The following RORA variants were observed in gnomAD, a reference collection of about 807,000 sequenced individuals.
RORA encodes RAR related orphan receptor A.
In RORA, 7 loss-of-function variants were observed where a neutral mutation model predicts 69.5. The ratio of observed to expected loss-of-function variants is 0.10; its 90% CI spans 0.06 to 0.19. The LOEUF (loss-of-function observed/expected upper bound fraction) is 0.19, where lower values mean the gene tolerates loss of function less well. Among genes scored for constraint, RORA ranks in the 10% least tolerant of loss-of-function variants. The probability of loss-of-function intolerance (pLI) is 1.00; values close to 1 mark genes in which losing one functional copy is unlikely to be tolerated. For missense variants in RORA, 457 were observed against 663.0 expected (o/e 0.69, Z 3.41); for synonymous variants, 261 against 240.8 (o/e 1.08, Z -0.78).
chr15:60,618,070 C>A (rs2069303987), intron 2 of RORA, among the ~76,000 whole-genome samples: 1 of 152,192 alleles, frequency 6.6e-6, no homozygotes, highest in Non-Finnish European at 1.5e-5. Flanking sequence ...TACTACAGGC[C>A]ACAGATAAGG....
chr15:60,887,117 C>A (rs1221154181), intron 1 of RORA, among the ~76,000 whole-genome samples: 1 of 149,172 alleles, frequency 6.7e-6, no homozygotes, highest in Non-Finnish European at 1.5e-5. Flanking sequence ...TCTTTGTCAG[C>A]AAGATACTTC....
At chr15:61,200,181 A>G (rs975478378) in intron 1 of RORA, among the ~76,000 whole-genome samples, 1 of 152,194 alleles carries the variant, frequency 6.6e-6, no homozygotes, top group African/African-American at 2.4e-5. Context: ...CCTTGACAGG[A>G]GAGTCGGGAA....
chr15:60,578,953 T>C (rs1253869505), intron 2 of RORA, among the ~76,000 whole-genome samples: 1 of 151,898 alleles, frequency 6.6e-6, no homozygotes. Context: ...TCAGTAGGGA[T>C]GGGGTTTCAC....
intron 1 of RORA, among the ~76,000 whole-genome samples, chr15:60,707,653 G>A (rs181983841): frequency 5.3e-5 from 8 of 152,196 alleles, no homozygotes; most frequent in South Asian, 4.2e-4. Flanking sequence ...GTGAGCCACC[G>A]CACCTGGCCC....
intron 1 of RORA, among the ~76,000 whole-genome samples, chr15:60,772,133 G>C (rs996844726): frequency 3.9e-5 from 6 of 152,054 alleles, no homozygotes; most frequent in Admixed American, 2.6e-4. Context: ...AGGTATACAT[G>C]TGCCATGTTG....
In RORA at chr15:61,069,914, C is replaced by T. The variant is rs557643297; in HGVS notation, c.166+159139G>A. 1.2e-4 allele frequency among the ~76,000 whole-genome samples: 19 copies of T among 152,278 alleles called. No individual in the cohort carries two copies. In the East Asian group the frequency reaches 3.5e-3, roughly 28 times the overall value. The stretch of plus-strand genomic sequence containing the variant: ...TGTTAGAATAAACCCAAAGTCCATT[C>T]CCAAAGTCAGAACAGAACTGCCTCA... On this transcript the variant is annotated intron_variant, in intron 1 of 10. Coordinates refer to ENST00000335670, the MANE Select transcript of RORA (RefSeq NM_134261.3).
Position 60,509,976 on chromosome 15 carries a change from C to T in RORA, c.820+1250G>A, listed in dbSNP as rs540840373. Among the ~76,000 whole-genome samples, 32 of 152,138 alleles carry T rather than the reference C, an allele frequency of 2.1e-4. 1 individual carries two copies. Among genetic ancestry groups the T allele is most frequent in the Admixed American group, 2.1e-3 (32 of 15,276 alleles). On this transcript the variant is annotated intron_variant, in intron 5 of 10. Coordinates refer to ENST00000335670, the MANE Select transcript of RORA (RefSeq NM_134261.3). ...CCATAAAGAGATGCTTGTGTAAAAA[C>T]CGTAAAGAACATTCAATTTGTTCTA...
At chr15:60,548,668 C>T (rs1425131947) in intron 2 of RORA, among the ~76,000 whole-genome samples, 2 of 152,104 alleles carry the variant, frequency 1.3e-5, no homozygotes, top group Non-Finnish European at 2.9e-5. Context: ...GACAGAGTCT[C>T]GCTCTGTTCC....
chr15:60,583,215 G>A (rs2068241170), intron 2 of RORA, among the ~76,000 whole-genome samples: 2 of 152,214 alleles, frequency 1.3e-5, no homozygotes, highest in South Asian at 2.1e-4. Context: ...TAAGCTGCAC[G>A]AAGGCAGCAT....
chr15:60,776,169 G>A lies in RORA; in HGVS notation c.167-97483C>T, dbSNP rs1406050235. Among the ~76,000 whole-genome samples the A allele has an allele frequency of 2.6e-5, 4 of 152,246 alleles. No individual in the cohort carries two copies. In the East Asian group the frequency reaches 7.7e-4, roughly 29 times the overall value. On this transcript the variant is annotated intron_variant, in intron 1 of 10. Coordinates refer to ENST00000335670, the MANE Select transcript of RORA (RefSeq NM_134261.3). ...TGATGACCAACCAGCTTGAGATGAA[G>A]GCACTCATGACCAGCTTGCAGGAGC...
At position 61,042,380 on chromosome 15, in the gene RORA, T is replaced by TACAC. The variant is rs141791344; in HGVS notation, c.166+186669_166+186672dup. 4.2e-3 allele frequency among the ~76,000 whole-genome samples: 642 copies of TACAC among 151,396 alleles called. 3 individuals carry two copies. The highest frequency in any genetic ancestry group is 0.015 in the African/African-American group (607 of 41,236). The stretch of plus-strand genomic sequence containing the variant: ...GGTCACCCTAGTCCTAATGAATAAA[T>TACAC]ACACACACACACACATACACACAAA... On this transcript the variant is annotated intron_variant, in intron 1 of 10. Coordinates refer to ENST00000335670, the MANE Select transcript of RORA (RefSeq NM_134261.3).
chr15:60,575,458 A>C (rs560947154), intron 2 of RORA, among the ~76,000 whole-genome samples: 1 of 152,254 alleles, frequency 6.6e-6, no homozygotes, highest in Non-Finnish European at 1.5e-5. Context: ...GAGAATAAAC[A>C]AAATGTTTAG....
intron 1 of RORA, among the ~76,000 whole-genome samples, chr15:61,015,082 CT>C (rs1295506834): frequency 6.6e-6 from 1 of 152,160 alleles, no homozygotes; most frequent in Non-Finnish European, 1.5e-5. Flanking sequence ...ATATAAGCAC[CT>C]CATTAATTAC....
At chr15:60,771,191 T>TATCCTCCC (rs112600271) in intron 1 of RORA, among the ~76,000 whole-genome samples, 88,039 of 151,080 alleles carry the variant, frequency 0.58, 26,147 homozygotes, top group South Asian at 0.69. Flanking sequence ...CAACTCCCCC[T>TATCCTCCC]ACCCTCCATT....
intron 1 of RORA, among the ~76,000 whole-genome samples, chr15:60,934,403 C>T (rs1014862866): frequency 1.3e-5 from 2 of 152,254 alleles, no homozygotes; most frequent in East Asian, 1.9e-4. Flanking sequence ...AAAACAAAAA[C>T]ACAGATTGCT....
At chr15:60,624,505 A>ATG (rs1240744944) in intron 2 of RORA, among the ~76,000 whole-genome samples, 829 of 57,746 alleles carry the variant, frequency 0.014, 13 homozygotes, top group African/African-American at 0.061. Flanking sequence ...TATTTGCTGT[A>ATG]TGTGTGTGTA....
At chr15:60,664,071 G>A (rs975148006) in intron 2 of RORA, among the ~76,000 whole-genome samples, 1 of 152,084 alleles carries the variant, frequency 6.6e-6, no homozygotes, top group Non-Finnish European at 1.5e-5. Context: ...GCAATTTAGG[G>A]CAATAAAAAC....
At chr15:61,007,689 A>G (rs1269016965) in intron 1 of RORA, among the ~76,000 whole-genome samples, 1 of 150,164 alleles carries the variant, frequency 6.7e-6, no homozygotes, top group Non-Finnish European at 1.5e-5. Flanking sequence ...GCATAAAAAT[A>G]TATAACATTA....
intron 2 of RORA, among the ~76,000 whole-genome samples, chr15:60,633,508 T>A (rs1417431977): frequency 1.3e-5 from 2 of 152,210 alleles, no homozygotes. Flanking sequence ...AACTGGATAA[T>A]GTGACGCTGA....
Sources: gnomAD v4.1 joint callset for allele counts (sites outside exome capture counted in the v4.1 genomes callset) on GRCh38, gnomAD v4.1.1 for gene constraint, MANE v1.5 for transcripts, NCBI Gene and HGNC (gene_info 2026-07-23, HGNC 2026-07-21) for gene names.